Variants in NEK10 observed in about 807,000 individuals in gnomAD.
The protein encoded by NEK10 is NIMA related kinase 10, also known as serine/threonine-protein kinase Nek10.
Under a neutral mutation model 159.8 loss-of-function variants are expected in NEK10, and 122 were observed. The ratio of observed to expected loss-of-function variants is 0.76; its 90% CI spans 0.66 to 0.89. The LOEUF (loss-of-function observed/expected upper bound fraction) is 0.89. Ranked by LOEUF, NEK10 falls within the 40% of genes least tolerant of loss-of-function variation. The pLI is 0.00. For missense variants in NEK10, 1,342 were observed against 1,323.1 expected (o/e 1.01, Z -0.22); for synonymous variants, 466 against 457.1 (o/e 1.02, Z -0.25).
intron 23 of NEK10, among the ~76,000 whole-genome samples, chr3:27,216,652 T>G (rs1432437976): frequency 3.3e-5 from 5 of 152,148 alleles, no homozygotes; most frequent in Non-Finnish European, 4.4e-5. Flanking sequence ...CACATGGAAG[T>G]AAACCAAGAA....
intron 7 of NEK10, among the ~76,000 whole-genome samples, chr3:27,313,736 G>A (rs528964327): frequency 3.3e-5 from 5 of 152,090 alleles, no homozygotes; most frequent in East Asian, 1.9e-4. Context: ...GTTGTGAGGC[G>A]GAGTTTCGCT....
chr3:27,132,061 C>T (rs1325111169), intron 31 of NEK10, 71 bp from the exon 32 acceptor site: 6 of 775,404 alleles, frequency 7.7e-6, no homozygotes, highest in Middle Eastern at 2.7e-4. Flanking sequence ...AAAAAGCATT[C>T]GCTGAGGGCC....
chr3:27,267,593 G>C (rs1046606254), intron 22 of NEK10, among the ~76,000 whole-genome samples: 2 of 151,842 alleles, frequency 1.3e-5, no homozygotes, highest in African/African-American at 4.8e-5. Context: ...TCATTGTTTT[G>C]GGACACTACA....
intron 5 of NEK10, among the ~76,000 whole-genome samples, chr3:27,331,400 C>A (rs2046413449): frequency 6.6e-6 from 1 of 152,110 alleles, no homozygotes; most frequent in African/African-American, 2.4e-5. Flanking sequence ...CTTCTCCTTT[C>A]TTAGGCAATA....
chr3:27,134,271 G>A (rs192972656), intron 31 of NEK10, among the ~76,000 whole-genome samples: 12 of 152,310 alleles, frequency 7.9e-5, no homozygotes, highest in Admixed American at 7.8e-4. Flanking sequence ...AGATGGGATG[G>A]AGTAATGAGG....
chr3:27,290,592 C>T, intron 19 of NEK10, 25 bp downstream of exon 19: 1 of 1,542,114 alleles, frequency 6.5e-7, no homozygotes, highest in Non-Finnish European at 8.8e-7. Context: ...AGAAAAACAT[C>T]TTCAGAAACA....
chr3:27,295,634 T>G lies in NEK10; in HGVS notation c.1287A>C (p.Ala429=). The change falls in exon 15 of 36, where the codon GCA becomes GCC. Residue 429 remains alanine (A), a synonymous_variant. Coordinates refer to ENST00000691995, the MANE Select transcript of NEK10 (RefSeq NM_001394966.1). ...TTACCTGTAATAGATTACTTTTTGC[T>G]GCATTCTTTTGCTTATTTGGTAAAA... The part of the protein sequence containing the change: ...KLILPNKQKN[A]AKSNLLQCYA... 1.3e-6 allele frequency: 2 copies of G among 1,565,226 alleles called. No homozygotes were observed. Among genetic ancestry groups the G allele is most frequent in the Non-Finnish European group, 1.7e-6 (2 of 1,152,322 alleles).
intron 16 of NEK10, among the ~76,000 whole-genome samples, chr3:27,292,906 A>G (rs1296155546): frequency 1.3e-5 from 2 of 152,208 alleles, no homozygotes; most frequent in Admixed American, 6.5e-5. Flanking sequence ...GTGACGCTCC[A>G]TGCTTTCTGA....
At chr3:27,247,597 G>A (rs1371746462) in intron 23 of NEK10, among the ~76,000 whole-genome samples, 1 of 151,786 alleles carries the variant, frequency 6.6e-6, no homozygotes, top group Non-Finnish European at 1.5e-5. Flanking sequence ...GTGCAGTGGT[G>A]CGATCTCAGC....
chr3:27,255,934 G>A (rs1956123813), intron 23 of NEK10, among the ~76,000 whole-genome samples: 1 of 152,100 alleles, frequency 6.6e-6, no homozygotes, highest in Non-Finnish European at 1.5e-5. Flanking sequence ...ATACATACAA[G>A]AGGGTACAAT....
intron 30 of NEK10, among the ~76,000 whole-genome samples, chr3:27,145,946 A>G (rs141473943): frequency 6.6e-6 from 1 of 152,280 alleles, no homozygotes; most frequent in African/African-American, 2.4e-5. Context: ...CCCTTCTACC[A>G]TGCAAGGACA....
intron 16 of NEK10, among the ~76,000 whole-genome samples, chr3:27,292,767 CAAAAAAAAA>C (rs35773318): frequency 1.1e-5 from 1 of 88,414 alleles, no homozygotes; most frequent in African/African-American, 3.2e-5. Context: ...GAGCCTTTGT[CAAAAAAAAA>C]AAAAAAAAAG....
At position 27,109,378 on chromosome 3, in the gene NEK10, TAAAA is replaced by T. The variant is rs369638958; in HGVS notation, c.*1890_*1893del. 8.5e-6 allele frequency among the ~76,000 whole-genome samples: 1 copy of T among 117,264 alleles called. No individual in the cohort carries two copies. The highest frequency in any genetic ancestry group is 3.1e-5 in the African/African-American group (1 of 31,920). 76.9% of individuals were successfully genotyped at this position (117,264 alleles called of 152,430 possible). Reference sequence around the variant, plus strand: ...TGGGCAACAGAGTGAGACTCTGTCTTAAAAAAAAAAAAAAAAAAAAAGAGTTAGA... The same window carrying T: ...TGGGCAACAGAGTGAGACTCTGTCTTAAAAAAAAAAAAAAAAAGAGTTAGA... On this transcript the variant is annotated 3_prime_UTR_variant, in exon 36 of 36. Coordinates refer to ENST00000691995, the MANE Select transcript of NEK10 (RefSeq NM_001394966.1).
chr3:27,320,924 A>C (rs911847538), intron 6 of NEK10, among the ~76,000 whole-genome samples: 14 of 152,248 alleles, frequency 9.2e-5, no homozygotes, highest in African/African-American at 3.4e-4. Context: ...ATACGAGGGA[A>C]GTAGAGTTGC....
chr3:27,169,596 T>C lies in NEK10; in HGVS notation c.2831+2223A>G, dbSNP rs574290945. ...CTCCTGATCTTCATTTGAAGATAAA[T>C]GTATCAGTGATGCATCTTTGACTAA... On this transcript the variant is annotated intron_variant, in intron 29 of 35. Transcript: ENST00000691995. Among the ~76,000 whole-genome samples the C allele has an allele frequency of 8.0e-3, 1,212 of 152,352 alleles. 4 individuals are homozygous for C. The highest frequency in any genetic ancestry group is 0.012 in the Non-Finnish European group (838 of 68,036).
At chr3:27,287,470 A>G (rs569139994) in intron 20 of NEK10, among the ~76,000 whole-genome samples, 27 of 152,316 alleles carry the variant, frequency 1.8e-4, no homozygotes, top group African/African-American at 5.8e-4. Context: ...TGGTTTGTTC[A>G]TGCGTTTTTC....
chr3:27,286,169 T>C (rs2042587710), intron 20 of NEK10, among the ~76,000 whole-genome samples: 1 of 139,622 alleles, frequency 7.2e-6, no homozygotes, highest in Non-Finnish European at 1.5e-5. Flanking sequence ...CACTGCACGC[T>C]CTGCCTCTGG....
In NEK10 at chr3:27,157,604, T is replaced by C. The variant is rs550617891; in HGVS notation, c.2869+5097A>G. On this transcript the variant is annotated intron_variant, in intron 30 of 35. Coordinates refer to ENST00000691995, the MANE Select transcript of NEK10 (RefSeq NM_001394966.1). ...GAATCTACTCCTGGTAAAGATGCTA[T>C]GAACATTGTTGAAATGGCAACAAAT... Among the ~76,000 whole-genome samples, 6 of 152,330 alleles carry C rather than the reference T, an allele frequency of 3.9e-5. No homozygotes were observed. In the South Asian group the frequency reaches 6.2e-4, roughly 16 times the overall value.
At position 27,192,152 on chromosome 3, in the gene NEK10, T is replaced by TAAGTTGTC; in HGVS notation, c.2374_2381dup (p.Ser795ThrfsTer14). Reference sequence around the variant, plus strand: ...TTTCCAAGGACAACTGGGATGTAGATAAGTTGTCTAAATATTTCATCATGA... The same window carrying TAAGTTGTC: ...TTTCCAAGGACAACTGGGATGTAGATAAGTTGTCAAGTTGTCTAAATATTTCATCATGA... On this transcript the variant is annotated frameshift_variant, in exon 26 of 36. Coordinates refer to ENST00000691995, the MANE Select transcript of NEK10 (RefSeq NM_001394966.1). LOFTEE classifies it high-confidence loss of function. The TAAGTTGTC allele has an allele frequency of 6.2e-7, 1 of 1,613,972 alleles. No individual in the cohort carries two copies. Among genetic ancestry groups the TAAGTTGTC allele is most frequent in the South Asian group, 1.1e-5 (1 of 91,084 alleles).
Sources: gnomAD v4.1 joint callset for allele counts (sites outside exome capture counted in the v4.1 genomes callset) on GRCh38, gnomAD v4.1.1 for gene constraint, MANE v1.5 for transcripts, NCBI Gene and HGNC (gene_info 2026-07-23, HGNC 2026-07-21) for gene names.